Variants in CDS2 observed in about 807,000 individuals in gnomAD.
The protein encoded by CDS2 is phosphatidate cytidylyltransferase 2.
In CDS2, 47 loss-of-function variants were observed where a neutral mutation model predicts 59.0. The ratio of observed to expected loss-of-function variants is 0.80; its 90% CI spans 0.63 to 1.02. The LOEUF is 1.02. Among genes scored for constraint, CDS2 ranks in the 50% least tolerant of loss-of-function variants. The pLI is 0.00. For missense variants in CDS2, 356 were observed against 558.9 expected (o/e 0.64, Z 3.66); for synonymous variants, 207 against 206.4 (o/e 1.00, Z -0.02).
At chr20:5,141,709 G>A (rs1234278496) in intron 1 of CDS2, among the ~76,000 whole-genome samples, 1 of 152,124 alleles carries the variant, frequency 6.6e-6, no homozygotes, top group African/African-American at 2.4e-5. Context: ...GGAAAAGAGG[G>A]GGTGGTCATG....
chr20:5,189,901 T>G, intron 12 of CDS2, 63 bp downstream of exon 12: 1 of 1,433,662 alleles, frequency 7.0e-7, no homozygotes, highest in Non-Finnish European at 9.7e-7. Flanking sequence ...ATTCTAGAAT[T>G]TTAGCGGCAT....
rs118057297 is a variant in CDS2 at position 5,171,096 on chromosome 20, A to G, written c.58-2427A>G. Among the ~76,000 whole-genome samples, 1,299 of 152,322 alleles carry G rather than the reference A, an allele frequency of 8.5e-3. 8 individuals carry two copies. The highest frequency in any genetic ancestry group is 0.016 in the Non-Finnish European group (1,073 of 68,020). ...TCCTTTTACTACTCTCTGCCTCTGG[A>G]TACCCCTCTTCACTTCACCCCTTCC... On this transcript the variant is annotated intron_variant, in intron 1 of 12. Coordinates refer to ENST00000460006, the MANE Select transcript of CDS2 (RefSeq NM_003818.4).
chr20:5,148,326 T>C (rs375110100), intron 1 of CDS2, among the ~76,000 whole-genome samples: 17 of 152,186 alleles, frequency 1.1e-4, no homozygotes, highest in East Asian at 5.8e-4. Context: ...TAGGCTCTTA[T>C]CAGCTTTATG....
chr20:5,175,252 C>T lies in CDS2; in HGVS notation c.264C>T (p.Tyr88=). The change falls in exon 3 of 13, where the codon TAC becomes TAT. Residue 88 remains tyrosine (Y), a synonymous_variant. Coordinates refer to ENST00000460006, the MANE Select transcript of CDS2 (RefSeq NM_003818.4). ...AMIAFFFIII[Y]LGPMVLMIIV... ...TTGCATTTTTCTTCATCATCATTTA[C>T]CTGGGACCAATGGTTTTGATGATAA... The T allele has an allele frequency of 1.2e-6, 2 of 1,613,992 alleles. No individual in the cohort carries two copies. The highest frequency in any genetic ancestry group is 1.7e-6 in the Non-Finnish European group (2 of 1,179,864).
intron 1 of CDS2, among the ~76,000 whole-genome samples, chr20:5,150,609 C>T (rs1489824764): frequency 6.6e-6 from 1 of 152,216 alleles, no homozygotes; most frequent in Non-Finnish European, 1.5e-5. Context: ...ATGGGGCCTG[C>T]AGGCCGAAAG....
rs143858340 is a variant in CDS2, at chr20:5,173,294, C to T, written c.58-229C>T. On this transcript the variant is annotated intron_variant, in intron 1 of 12. Coordinates refer to ENST00000460006, the MANE Select transcript of CDS2 (RefSeq NM_003818.4). ...CCTCTGCGGTTAAGCAGATGGTACG[C>T]GGTGCAGATGCACACCTCTCTTCCA... Among the ~76,000 whole-genome samples, 136 of 152,338 alleles carry T rather than the reference C, an allele frequency of 8.9e-4. 2 individuals carry two copies. The East Asian group carries it at 0.021, about 23-fold the overall frequency.
intron 1 of CDS2, among the ~76,000 whole-genome samples, chr20:5,142,189 A>G (rs909400211): frequency 6.6e-6 from 1 of 152,110 alleles, no homozygotes; most frequent in Admixed American, 6.6e-5. Context: ...GCTCACATCC[A>G]TAATCCCAGC....
In CDS2 at chr20:5,197,353, T is replaced by A. The variant is rs2123086688; in HGVS notation, c.*7119T>A. The A allele has an allele frequency of 6.6e-6, 1 of 151,768 alleles. No individual in the cohort carries two copies. Among genetic ancestry groups the A allele is most frequent in the South Asian group, 2.1e-4 (1 of 4,748 alleles). 9.4% of individuals were successfully genotyped at this position (151,768 alleles called of 1,614,324 possible). On this transcript the variant is annotated 3_prime_UTR_variant, in exon 13 of 13. Transcript: ENST00000460006. The stretch of plus-strand genomic sequence containing the variant: ...ACACAGAAAGGGCCTCCCCACCTGC[T>A]TTGGGGAGCTGTCTGTGCTGGGAGT...
intron 1 of CDS2, among the ~76,000 whole-genome samples, chr20:5,165,631 C>G (rs2090908190): frequency 1.3e-5 from 2 of 152,118 alleles, no homozygotes; most frequent in Non-Finnish European, 2.9e-5. Context: ...TCACTGCAGC[C>G]TCAATCTCCT....
intron 10 of CDS2, chr20:5,187,734 TA>T (rs1422274953): frequency 3.6e-4 from 55 of 151,862 alleles, no homozygotes; most frequent in African/African-American, 1.3e-3. Flanking sequence ...TACAAAAAAA[TA>T]TAGCTGGGGA....
intron 1 of CDS2, among the ~76,000 whole-genome samples, chr20:5,168,445 A>G (rs1259363285): frequency 2.0e-5 from 3 of 151,838 alleles, no homozygotes; most frequent in Non-Finnish European, 4.4e-5. Flanking sequence ...AAAAGAAAAA[A>G]AAAAAAGAAA....
intron 1 of CDS2, among the ~76,000 whole-genome samples, chr20:5,151,225 C>T (rs1218024283): frequency 1.3e-5 from 2 of 152,088 alleles, no homozygotes; most frequent in Non-Finnish European, 2.9e-5. Context: ...GTATCAGTCC[C>T]AATATTTCAT....
chr20:5,183,093 T>A lies in CDS2; in HGVS notation c.621T>A (p.Val207=), dbSNP rs751063121. The change falls in exon 7 of 13, where the codon GTT becomes GTA. Residue 207 remains valine (V), a synonymous_variant. Transcript: ENST00000460006. ...GGACCCATGTGACATTGCTGATTGTTGTAACACAGTCACATCTTGTTATCC... is the reference window on the plus strand; with the variant it reads ...GGACCCATGTGACATTGCTGATTGTAGTAACACAGTCACATCTTGTTATCC... ...FGWTHVTLLI[V]VTQSHLVIHN... 5.6e-6 allele frequency: 9 copies of A among 1,614,172 alleles called. No homozygotes were observed. Among genetic ancestry groups the A allele is most frequent in the Middle Eastern group, 3.3e-4 (2 of 6,062 alleles).
At chr20:5,185,213 G>T (rs746927318) in intron 8 of CDS2, among the ~76,000 whole-genome samples, 5 of 152,124 alleles carry the variant, frequency 3.3e-5, no homozygotes, top group Non-Finnish European at 7.4e-5. Context: ...TTGAGGCCAG[G>T]TGTTCAAAAG....
intron 1 of CDS2, among the ~76,000 whole-genome samples, chr20:5,140,777 A>G (rs1270833136): frequency 6.6e-6 from 1 of 152,254 alleles, no homozygotes; most frequent in African/African-American, 2.4e-5. Flanking sequence ...TCACAGAAAC[A>G]ACCAAATACT....
intron 1 of CDS2, among the ~76,000 whole-genome samples, chr20:5,135,995 T>G (rs1038721229): frequency 6.6e-6 from 1 of 152,178 alleles, no homozygotes; most frequent in African/African-American, 2.4e-5. Flanking sequence ...AAGGTCTCCA[T>G]AGGGCCAGCT....
intron 1 of CDS2, among the ~76,000 whole-genome samples, chr20:5,162,085 C>T (rs990419924): frequency 2.6e-5 from 4 of 152,150 alleles, no homozygotes; most frequent in African/African-American, 7.2e-5. Context: ...GTAGACTGTA[C>T]AAGCTGCTGT....
chr20:5,138,264 G>A (rs2090664741), intron 1 of CDS2, among the ~76,000 whole-genome samples: 1 of 151,760 alleles, frequency 6.6e-6, no homozygotes, highest in Non-Finnish European at 1.5e-5. Context: ...GTTGATTTTT[G>A]TATATGGAGA....
chr20:5,154,519 G>T (rs183543424), intron 1 of CDS2, among the ~76,000 whole-genome samples: 30 of 152,326 alleles, frequency 2.0e-4, no homozygotes, highest in African/African-American at 6.7e-4. Context: ...GTCATTTCAG[G>T]TGGTAGTGAT....
Sources: allele counts gnomAD v4.1 joint callset (sites outside exome capture counted in the v4.1 genomes callset), GRCh38; gene constraint gnomAD v4.1.1; transcripts MANE v1.5; gene names NCBI Gene and HGNC (gene_info 2026-07-23, HGNC 2026-07-21).